RPRD2: variants seen among roughly 807,000 people sequenced by gnomAD.
RPRD2 encodes regulation of nuclear pre-mRNA domain-containing protein 2.
RPRD2 carries 12 observed loss-of-function variants against 104.4 expected under a neutral mutation model. The observed-to-expected ratio is 0.11, with a 90% CI of 0.07 to 0.19. The LOEUF (loss-of-function observed/expected upper bound fraction) is 0.19, where lower values mean the gene tolerates loss of function less well. RPRD2 is among the 10% of genes least tolerant of loss of function. The pLI, the probability that RPRD2 is intolerant of heterozygous loss-of-function variation, is 1.00. For synonymous variants in RPRD2, 714 were observed against 684.9 expected, an observed-to-expected ratio of 1.04 and a Z score of -0.66; for missense variants, 1,543 against 1,790.1, an observed-to-expected ratio of 0.86 and a Z score of 2.49.
At chr1:150,405,983 GTTAAGTGCTTCCT>G (rs1189309672) in intron 1 of RPRD2, among the ~76,000 whole-genome samples, 1 of 152,180 alleles carries the variant, frequency 6.6e-6, no homozygotes, top group Non-Finnish European at 1.5e-5. Context: ...AAGAAAAGCC[GTTAAGTGCTTCCT>G]TTAAGTGAAA....
At chr1:150,446,605 A>T (rs963698204) in intron 7 of RPRD2, among the ~76,000 whole-genome samples, 1 of 152,142 alleles carries the variant, frequency 6.6e-6, no homozygotes, top group Non-Finnish European at 1.5e-5. Flanking sequence ...TGAGCCCAGG[A>T]CTTTGAGACC....
intron 1 of RPRD2, among the ~76,000 whole-genome samples, chr1:150,410,102 C>T (rs1663790327): frequency 1.3e-5 from 2 of 151,964 alleles, no homozygotes; most frequent in Admixed American, 6.6e-5. Context: ...AAGGACTCAC[C>T]CAGGTGTGTT....
chr1:150,378,630 C>G (rs1413473247), intron 1 of RPRD2, among the ~76,000 whole-genome samples: 1 of 152,104 alleles, frequency 6.6e-6, no homozygotes, highest in Non-Finnish European at 1.5e-5. Context: ...AAATGAAAAA[C>G]AATTTGCTCC....
chr1:150,448,455 C>T (rs1666941619), intron 7 of RPRD2, among the ~76,000 whole-genome samples: 1 of 152,092 alleles, frequency 6.6e-6, no homozygotes, highest in Admixed American at 6.6e-5. Flanking sequence ...AGGCATCAGC[C>T]ACCACACCCA....
intron 7 of RPRD2, among the ~76,000 whole-genome samples, chr1:150,447,030 T>C (rs781839329): frequency 6.6e-6 from 1 of 152,106 alleles, no homozygotes; most frequent in African/African-American, 2.4e-5. Context: ...GAGACGAGGT[T>C]TCTCCATGTT....
At chr1:150,390,952 C>T (rs920967644) in intron 1 of RPRD2, among the ~76,000 whole-genome samples, 15 of 152,096 alleles carry the variant, frequency 9.9e-5, no homozygotes, top group Non-Finnish European at 1.9e-4. Context: ...CTTGTACATA[C>T]TTTATAGATA....
At chr1:150,439,768 T>C (rs1014482908) in intron 2 of RPRD2, among the ~76,000 whole-genome samples, 22 of 152,128 alleles carry the variant, frequency 1.4e-4, no homozygotes, top group Admixed American at 7.2e-4. Context: ...TAGAATAAAA[T>C]TTCTTTTCTC....
At chr1:150,462,032 C>T (rs1553898956) in intron 9 of RPRD2, among the ~76,000 whole-genome samples, 2 of 151,606 alleles carry the variant, frequency 1.3e-5, no homozygotes, top group Non-Finnish European at 1.5e-5. Flanking sequence ...GCCTGTATTT[C>T]CAGCACTTTG....
intron 1 of RPRD2, among the ~76,000 whole-genome samples, chr1:150,390,001 C>A (rs1216008396): frequency 2.0e-5 from 3 of 152,180 alleles, no homozygotes; most frequent in Non-Finnish European, 4.4e-5. Flanking sequence ...GCCCTTGACT[C>A]TCTGCCAGAG....
intron 2 of RPRD2, among the ~76,000 whole-genome samples, chr1:150,422,367 T>TAATAATAATAATAATAATAATAAA (rs1407375626): frequency 0.025 from 2,840 of 111,846 alleles, 53 homozygotes; most frequent in South Asian, 0.051. Context: ...ATAATAATAA[T>TAATAATAATAATAATAATAATAAA]AAATAAAATT....
rs782405125 is a variant in RPRD2 at position 150,430,599 on chromosome 1, C to G, written c.336-10324C>G. The stretch of plus-strand genomic sequence containing the variant: ...GAGGATCATTTGAGCCTGGGAGATT[C>G]TGTACAAAAGGAGAGAACTTTTGAG... On this transcript the variant is annotated intron_variant, in intron 2 of 10. Transcript: ENST00000369068. 7.2e-5 allele frequency among the ~76,000 whole-genome samples: 11 copies of G among 152,114 alleles called. 1 individual carries two copies. Among genetic ancestry groups the G allele is most frequent in the African/African-American group, 2.6e-4 (11 of 41,522 alleles).
chr1:150,413,036 G>T (rs1664058939), intron 1 of RPRD2, among the ~76,000 whole-genome samples: 1 of 152,010 alleles, frequency 6.6e-6, no homozygotes, highest in Non-Finnish European at 1.5e-5. Context: ...AACAATATAG[G>T]GAGGAAATTT....
intron 2 of RPRD2, among the ~76,000 whole-genome samples, chr1:150,432,603 A>G (rs1560197460): frequency 6.7e-6 from 1 of 150,292 alleles, no homozygotes; most frequent in African/African-American, 2.4e-5. Flanking sequence ...TATGTTACAT[A>G]TATTTAATCA....
chr1:150,460,394 G>GGGTT (rs1667847590), intron 9 of RPRD2, 77 bp downstream of exon 9: 2 of 1,081,878 alleles, frequency 1.8e-6, no homozygotes, highest in Non-Finnish European at 1.3e-6. Context: ...TTTTTGGGGG[G>GGGTT]GTTGTTGTTG....
intron 1 of RPRD2, among the ~76,000 whole-genome samples, chr1:150,370,572 C>CTTTTTTTTT (rs11288735): frequency 2.7e-5 from 3 of 109,750 alleles, no homozygotes; most frequent in African/African-American, 3.6e-5. Flanking sequence ...TCCATTTTGT[C>CTTTTTTTTT]TTTTTTTTTT....
intron 1 of RPRD2, among the ~76,000 whole-genome samples, chr1:150,383,404 T>G (rs1201881953): frequency 7.0e-6 from 1 of 143,472 alleles, no homozygotes; most frequent in African/African-American, 2.6e-5. Flanking sequence ...AACCTCCACC[T>G]CTCAGGTTCA....
In RPRD2 at chr1:150,443,325, C is replaced by T. The variant is rs200746348; in HGVS notation, c.567+42C>T. The stretch of plus-strand genomic sequence containing the variant: ...GTTTAATATAGCAAAGTATTATTCA[C>T]CCCTTTTGTATTATAGTTTCCTGTA... On this transcript the variant is annotated intron_variant, in intron 5 of 10. Coordinates refer to ENST00000369068, the MANE Select transcript of RPRD2 (RefSeq NM_015203.5). The T allele has an allele frequency of 3.1e-5, 42 of 1,338,264 alleles. No individual in the cohort carries two copies. In the African/African-American group the frequency reaches 4.8e-4, roughly 15 times the overall value. 82.9% of individuals were successfully genotyped at this position (1,338,264 alleles called of 1,614,324 possible).
chr1:150,366,708 G>A (rs1388981156), intron 1 of RPRD2, among the ~76,000 whole-genome samples: 1 of 152,178 alleles, frequency 6.6e-6, no homozygotes, highest in Non-Finnish European at 1.5e-5. Flanking sequence ...CATTAACTTT[G>A]TAAAATAATG....
intron 1 of RPRD2, among the ~76,000 whole-genome samples, chr1:150,384,253 A>G (rs1661369569): frequency 6.6e-6 from 1 of 152,050 alleles, no homozygotes; most frequent in Non-Finnish European, 1.5e-5. Context: ...AGCAGGGAGT[A>G]CCAATTTATA....
Sources: gnomAD v4.1 joint callset for allele counts (sites outside exome capture counted in the v4.1 genomes callset) on GRCh38, gnomAD v4.1.1 for gene constraint, MANE v1.5 for transcripts, NCBI Gene and HGNC (gene_info 2026-07-23, HGNC 2026-07-21) for gene names.